The following SORCS2 variants were observed in gnomAD, a reference collection of about 807,000 sequenced individuals.
SORCS2 encodes sortilin related VPS10 domain containing receptor 2, also known as VPS10 domain-containing receptor SorCS2.
Under a neutral mutation model 141.6 loss-of-function variants are expected in SORCS2, and 100 were observed. The ratio of observed to expected loss-of-function variants is 0.71; its 90% CI spans 0.60 to 0.83. The LOEUF is 0.83. SORCS2 is among the 40% of genes least tolerant of loss of function. SORCS2 has a pLI of 0.00. For synonymous variants in SORCS2, 789 were observed against 676.9 expected, an observed-to-expected ratio of 1.17 and a Z score of -2.57; for missense variants, 1,646 against 1,560.2, an observed-to-expected ratio of 1.05 and a Z score of -0.93.
At chr4:7,684,532 T>C (rs992931173) in intron 10 of SORCS2, among the ~76,000 whole-genome samples, 5 of 152,236 alleles carry the variant, frequency 3.3e-5, no homozygotes, top group Non-Finnish European at 5.9e-5. Context: ...ACTGCTTCTC[T>C]GTCTGTTTCC....
Position 7,725,333 on chromosome 4 carries a change from C to A in SORCS2, c.2745+46C>A, listed in dbSNP as rs766399577. On this transcript the variant is annotated intron_variant, in intron 20 of 26. Transcript: ENST00000507866. ...CTCAGCCCTTCTTCCCGCAGGCTCC[C>A]CACAAGCTGCACAGTGGGGCAGAGC... 6 of 1,586,438 alleles carry A rather than the reference C, an allele frequency of 3.8e-6. No individual in the cohort carries two copies. The Admixed American group carries it at 7.0e-5, about 19-fold the overall frequency.
intron 7 of SORCS2, among the ~76,000 whole-genome samples, chr4:7,666,835 T>A (rs879531727): frequency 5.9e-5 from 9 of 152,156 alleles, no homozygotes; most frequent in Non-Finnish European, 1.3e-4. Flanking sequence ...CCATCGGAAC[T>A]TTCTCCACCT....
intron 17 of SORCS2, among the ~76,000 whole-genome samples, chr4:7,717,765 C>T (rs529364816): frequency 4.0e-4 from 61 of 152,350 alleles, no homozygotes; most frequent in Non-Finnish European, 5.6e-4. Flanking sequence ...GAGATGCCAG[C>T]GCCTCCGAAG....
Position 7,192,812 on chromosome 4 carries a change from G to C in SORCS2, c.166G>C (p.Gly56Arg). 9.7e-7 allele frequency: 1 copy of C among 1,026,360 alleles called. No homozygotes were observed. The highest frequency in any genetic ancestry group is 1.2e-6 in the Non-Finnish European group (1 of 858,656). 63.6% of individuals were successfully genotyped at this position (1,026,360 alleles called of 1,614,324 possible). The change falls in exon 1 of 27, where the codon GGG becomes CGG. Residue 56 changes from glycine (G) to arginine (R), a missense_variant. By Grantham distance (125) the Gly-to-Arg change is moderately radical. Transcript: ENST00000507866. The surrounding 1 kb of genome is among the most constrained non-coding windows in gnomAD (Gnocchi z 4.0). ...CGAAGRSPEP[G>R]RLGPHAQLTR... The stretch of plus-strand genomic sequence containing the variant: ...GGCGGCGGGGCGCTCCCCTGAGCCC[G>C]GGCGCCTGGGTCCTCACGCCCAACT...
chr4:7,216,473 G>A (rs968355012), intron 1 of SORCS2, among the ~76,000 whole-genome samples: 1 of 152,304 alleles, frequency 6.6e-6, no homozygotes, highest in Admixed American at 6.5e-5. Context: ...TTATGGTTCT[G>A]GAGGCCAGAA....
chr4:7,249,377 A>G (rs888515181), intron 1 of SORCS2, among the ~76,000 whole-genome samples: 1 of 152,154 alleles, frequency 6.6e-6, no homozygotes, highest in Admixed American at 6.5e-5. Flanking sequence ...AGTGGAAAAA[A>G]AAGTGGAAGC....
intron 1 of SORCS2, among the ~76,000 whole-genome samples, chr4:7,221,704 C>G (rs1728715793): frequency 6.6e-6 from 1 of 152,228 alleles, no homozygotes. Context: ...AGGCAAAAGC[C>G]AACACTCATC....
At chr4:7,217,735 A>C (rs1472999083) in intron 1 of SORCS2, among the ~76,000 whole-genome samples, 2 of 152,198 alleles carry the variant, frequency 1.3e-5, no homozygotes, top group Non-Finnish European at 2.9e-5. Context: ...CGCACACACA[A>C]AGAGGAAAAG....
intron 1 of SORCS2, among the ~76,000 whole-genome samples, chr4:7,345,960 C>G (rs972368749): frequency 5.3e-5 from 8 of 152,326 alleles, no homozygotes; most frequent in Non-Finnish European, 4.4e-5. Context: ...CATGCTCAGT[C>G]TAGCCAAAAG....
chr4:7,246,037 T>C (rs1022293968), intron 1 of SORCS2, among the ~76,000 whole-genome samples: 1 of 152,210 alleles, frequency 6.6e-6, no homozygotes, highest in East Asian at 1.9e-4. Context: ...CAGAAAGGGA[T>C]TGTGCCAAAT....
At chr4:7,380,640 G>C (rs114560994) in intron 1 of SORCS2, among the ~76,000 whole-genome samples, 1 of 152,212 alleles carries the variant, frequency 6.6e-6, no homozygotes, top group Non-Finnish European at 1.5e-5. Flanking sequence ...CAGCCCCCTC[G>C]TTCCTCCTTA....
intron 3 of SORCS2, among the ~76,000 whole-genome samples, chr4:7,561,415 T>C (rs138157060): frequency 1.1e-4 from 17 of 152,090 alleles, no homozygotes; most frequent in African/African-American, 4.1e-4. Flanking sequence ...CATCCATCCA[T>C]GTATCCATTC....
intron 1 of SORCS2, among the ~76,000 whole-genome samples, chr4:7,300,040 A>G (rs1717332282): frequency 1.3e-5 from 2 of 152,164 alleles, no homozygotes; most frequent in Non-Finnish European, 2.9e-5. Flanking sequence ...TAAGAAAACT[A>G]AAGCCTGGCA....
intron 1 of SORCS2, among the ~76,000 whole-genome samples, chr4:7,196,790 G>A (rs1727197775): frequency 6.6e-6 from 1 of 152,104 alleles, no homozygotes; most frequent in South Asian, 2.1e-4. Flanking sequence ...CGATATTTGT[G>A]TATATTTTAT....
At chr4:7,432,994 C>A (rs1394337222) in intron 2 of SORCS2, 1 of 221,828 alleles carries the variant, frequency 4.5e-6, no homozygotes, top group Non-Finnish European at 8.8e-6. Flanking sequence ...TAAAGGGGCA[C>A]CTGAGCCCAT....
intron 4 of SORCS2, among the ~76,000 whole-genome samples, chr4:7,640,998 G>A (rs1231239185): frequency 6.6e-6 from 1 of 152,168 alleles, no homozygotes; most frequent in African/African-American, 2.4e-5. Context: ...ACGTAGGTCA[G>A]CTCCCAGGGT....
intron 1 of SORCS2, among the ~76,000 whole-genome samples, chr4:7,368,449 C>T (rs530908561): frequency 3.9e-5 from 6 of 152,228 alleles, no homozygotes; most frequent in Non-Finnish European, 5.9e-5. Context: ...TGCTGCCTGC[C>T]GGGAGTCCTG....
intron 1 of SORCS2, among the ~76,000 whole-genome samples, chr4:7,251,377 C>A (rs1713497897): frequency 6.6e-6 from 1 of 152,120 alleles, no homozygotes; most frequent in South Asian, 2.1e-4. Context: ...TACGAATATT[C>A]AAAACGTGGA....
chr4:7,448,246 G>C (rs1176545300), intron 2 of SORCS2, among the ~76,000 whole-genome samples: 3 of 152,106 alleles, frequency 2.0e-5, no homozygotes, highest in Non-Finnish European at 4.4e-5. Flanking sequence ...CCTGGAGGTG[G>C]AACTGCGGCG....
Sources: allele counts gnomAD v4.1 joint callset (sites outside exome capture counted in the v4.1 genomes callset), GRCh38; gene constraint gnomAD v4.1.1; non-coding constraint Gnocchi (gnomAD v3.1); transcripts MANE v1.5; gene names NCBI Gene and HGNC (gene_info 2026-07-23, HGNC 2026-07-21).